RASEF: variants seen among roughly 807,000 people sequenced by gnomAD.
RASEF encodes the protein RAS and EF-hand domain containing.
Under a neutral mutation model 90.1 loss-of-function variants are expected in RASEF, and 68 were observed. That is an observed-to-expected ratio of 0.75 (90% CI 0.62 to 0.92). RASEF has a LOEUF of 0.92. RASEF is among the 40% of genes least tolerant of loss of function. The probability of loss-of-function intolerance (pLI) is 0.00; values close to 1 mark genes in which losing one functional copy is unlikely to be tolerated. For missense variants in RASEF, 949 were observed against 937.2 expected, an observed-to-expected ratio of 1.01 and a Z score of -0.16; for synonymous variants, 331 against 345.2, an observed-to-expected ratio of 0.96 and a Z score of 0.46.
intron 14 of RASEF, among the ~76,000 whole-genome samples, chr9:82,994,836 T>C (rs912867654): frequency 6.6e-6 from 1 of 152,038 alleles, no homozygotes; most frequent in Non-Finnish European, 1.5e-5. Flanking sequence ...TTGAAGTATA[T>C]CAATTATTAA....
the RASEF span, among the ~76,000 whole-genome samples, chr9:83,153,524 C>G: frequency 6.6e-6 from 1 of 152,164 alleles, no homozygotes; most frequent in African/African-American, 2.4e-5. Flanking sequence ...TATCTGAGCC[C>G]CTTTTCCTTT....
At chr9:83,007,237 A>C (rs1212125395) in intron 7 of RASEF, among the ~76,000 whole-genome samples, 200 bp downstream of exon 7, 2 of 152,142 alleles carry the variant, frequency 1.3e-5, no homozygotes, top group Non-Finnish European at 2.9e-5. Flanking sequence ...CTCTATTCCC[A>C]CATCTGAATA....
the RASEF span, among the ~76,000 whole-genome samples, chr9:83,075,417 T>C: frequency 6.6e-6 from 1 of 152,212 alleles, no homozygotes; most frequent in African/African-American, 2.4e-5. Flanking sequence ...GTTTATACAT[T>C]ATAAATAATT....
chr9:83,049,466 TTG>T (rs997752438), intron 1 of RASEF, among the ~76,000 whole-genome samples: 12 of 151,748 alleles, frequency 7.9e-5, no homozygotes, highest in African/African-American at 2.9e-4. Flanking sequence ...CAGCACTCTG[TTG>T]TCAGTCACCT....
At chr9:83,186,478 G>A in the RASEF span, among the ~76,000 whole-genome samples, 1 of 151,996 alleles carries the variant, frequency 6.6e-6, no homozygotes, top group African/African-American at 2.4e-5. Context: ...GACATTTAAG[G>A]GACTCCCTCC....
At chr9:82,991,536 C>T (rs1421346507) in intron 15 of RASEF, among the ~76,000 whole-genome samples, 2 of 152,052 alleles carry the variant, frequency 1.3e-5, no homozygotes, top group African/African-American at 2.4e-5. Flanking sequence ...GACACTTGCT[C>T]TAGAACAGGG....
chr9:83,038,450 C>T (rs957467655), intron 1 of RASEF, among the ~76,000 whole-genome samples: 3 of 152,056 alleles, frequency 2.0e-5, no homozygotes, highest in African/African-American at 7.2e-5. Context: ...GAAACCATAA[C>T]TCTAAAGATT....
rs756991334 is a variant in RASEF at position 83,062,545 on chromosome 9, T to G, written c.323A>C (p.Asp108Ala). ...GGCCAGCGCCGCCGCCGCGTCCTCG[T>G]CGCCTTCGTCCTCCTCGCTGTCGTG... Reference protein sequence around the residue: ...ETHDSEEDEGDEDAAAALATS... With the variant: ...ETHDSEEDEGAEDAAAALATS... The change falls in exon 1 of 17, where the codon GAC (aspartate) becomes GCC (alanine). Residue 108 changes from aspartate (D) to alanine (A), a missense_variant. Asp to Ala is a moderately radical substitution (Grantham distance 126). Around this residue, in one of 3 missense-constraint regions of RASEF, gnomAD observed 656 missense variants for 592.2 expected, o/e 1.11. Coordinates refer to ENST00000376447, the MANE Select transcript of RASEF (RefSeq NM_152573.4). 3 of 1,604,268 alleles carry G rather than the reference T, an allele frequency of 1.9e-6. No homozygotes were observed. In the African/African-American group the frequency reaches 4.0e-5, roughly 21 times the overall value.
At chr9:82,989,791 T>C (rs540417753) in intron 16 of RASEF, among the ~76,000 whole-genome samples, 2 of 152,354 alleles carry the variant, frequency 1.3e-5, no homozygotes, top group African/African-American at 2.4e-5. Flanking sequence ...TTTTCATTTA[T>C]AGCAGAAAAC....
At chr9:83,158,625 CATATGT>C in the RASEF span, among the ~76,000 whole-genome samples, 1 of 87,340 alleles carries the variant, frequency 1.1e-5, no homozygotes, top group East Asian at 2.7e-4. Context: ...TATATATGTA[CATATGT>C]ATATATGTAT....
At chr9:83,174,196 T>G in the RASEF span, among the ~76,000 whole-genome samples, 1 of 152,082 alleles carries the variant, frequency 6.6e-6, no homozygotes, top group Non-Finnish European at 1.5e-5. Flanking sequence ...TTGTTGCTTA[T>G]GCTTTTAGTG....
the RASEF span, among the ~76,000 whole-genome samples, chr9:83,211,924 C>T: frequency 2.6e-5 from 4 of 152,134 alleles, no homozygotes; most frequent in African/African-American, 9.6e-5. Flanking sequence ...GCATGAAGAC[C>T]CATTGTCAGG....
the RASEF span, among the ~76,000 whole-genome samples, chr9:83,085,652 G>A: frequency 6.0e-5 from 9 of 150,056 alleles, no homozygotes; most frequent in South Asian, 8.6e-4. Context: ...ATGGCCGGGC[G>A]CAGTGGCTCA....
chr9:83,023,092 C>A (rs1289760255), intron 2 of RASEF, among the ~76,000 whole-genome samples: 6 of 151,892 alleles, frequency 4.0e-5, no homozygotes, highest in African/African-American at 1.5e-4. Context: ...GACTGAGTTA[C>A]AACCCTGGAT....
At chr9:83,144,079 C>T in the RASEF span, among the ~76,000 whole-genome samples, 1 of 151,928 alleles carries the variant, frequency 6.6e-6, no homozygotes, top group Non-Finnish European at 1.5e-5. Flanking sequence ...CATGTTCTCA[C>T]TTACAAGTGG....
chr9:83,068,430 A>T, the RASEF span, among the ~76,000 whole-genome samples: 1 of 152,238 alleles, frequency 6.6e-6, no homozygotes, highest in Non-Finnish European at 1.5e-5. Flanking sequence ...GTGAGCTGCC[A>T]TGTCATGAGA....
the RASEF span, among the ~76,000 whole-genome samples, chr9:83,215,473 C>G: frequency 6.6e-6 from 1 of 152,200 alleles, no homozygotes; most frequent in Non-Finnish European, 1.5e-5. Flanking sequence ...GCCTATAGTG[C>G]TCCCCTGGCT....
At chr9:83,111,317 G>C in the RASEF span, among the ~76,000 whole-genome samples, 3 of 152,166 alleles carry the variant, frequency 2.0e-5, no homozygotes, top group Non-Finnish European at 4.4e-5. Context: ...AAATACAAGA[G>C]AGTAGAAGGG....
the RASEF span, among the ~76,000 whole-genome samples, chr9:83,094,503 G>T: frequency 6.6e-6 from 1 of 151,868 alleles, no homozygotes; most frequent in Non-Finnish European, 1.5e-5. Flanking sequence ...TACATTTCTA[G>T]AGACTTCCTG....
Sources: gnomAD v4.1 joint callset for allele counts (sites outside exome capture counted in the v4.1 genomes callset) on GRCh38, gnomAD v4.1.1 for gene constraint, gnomAD v4.1.1 regional missense constraint, MANE v1.5 for transcripts, NCBI Gene and HGNC (gene_info 2026-07-23, HGNC 2026-07-21) for gene names.